The following CSMD2 variants were observed in gnomAD, a reference collection of about 807,000 sequenced individuals.
CSMD2 encodes CUB and sushi domain-containing protein 2.
CSMD2 carries 130 observed loss-of-function variants against 398.5 expected under a neutral mutation model. The observed-to-expected ratio is 0.33, with a 90% CI of 0.28 to 0.38. The LOEUF (loss-of-function observed/expected upper bound fraction) is 0.38. Among genes scored for constraint, CSMD2 ranks in the 10% least tolerant of loss-of-function variants. The pLI is 1.00. For synonymous variants in CSMD2, 1,828 were observed against 1,908.5 expected, an observed-to-expected ratio of 0.96 and a Z score of 1.10; for missense variants, 3,829 against 4,764.9, an observed-to-expected ratio of 0.80 and a Z score of 5.78.
intron 25 of CSMD2, among the ~76,000 whole-genome samples, chr1:33,678,586 A>G (rs887420421): frequency 6.6e-6 from 1 of 152,184 alleles, no homozygotes; most frequent in Non-Finnish European, 1.5e-5. Flanking sequence ...CTGTCCCCAC[A>G]TGAGAATGCA....
rs867239715 is a variant in CSMD2 at position 33,636,428 on chromosome 1, G to A, written c.4901C>T (p.Ser1634Leu). 2 of 1,614,006 alleles carry A rather than the reference G, an allele frequency of 1.2e-6. No individual in the cohort carries two copies. The highest frequency in any genetic ancestry group is 1.6e-4 in the Middle Eastern group (1 of 6,084). Reference protein sequence around the residue: ...CHGGYEVEGTSTLSCILGPDG... With the variant: ...CHGGYEVEGTLTLSCILGPDG... ...AGGCCCCAGGATGCAGCTCAGGGTC[G>A]AGGTGCCCTCAACTTCGTAGCCCCC... Residue 1634 changes from serine to leucine, a missense_variant, in exon 30 of 71, where the codon TCG becomes TTG. Physicochemically the swap from Ser to Leu is moderately radical, Grantham distance 145. Coordinates refer to ENST00000373381, the MANE Select transcript of CSMD2 (RefSeq NM_001281956.2). This position sits in a 1 kb window ranked among gnomAD's most constrained non-coding sequence, Gnocchi z 4.8.
At chr1:33,810,481 T>G (rs2124960219) in intron 10 of CSMD2, among the ~76,000 whole-genome samples, 1 of 152,238 alleles carries the variant, frequency 6.6e-6, no homozygotes, top group African/African-American at 2.4e-5. Context: ...GTGAGGAACC[T>G]GCATCACTAA....
At chr1:33,765,011 C>T (rs759111573) in intron 13 of CSMD2, among the ~76,000 whole-genome samples, 1 of 151,960 alleles carries the variant, frequency 6.6e-6, no homozygotes, top group Non-Finnish European at 1.5e-5. Context: ...GCAATGTATG[C>T]GAAGCAATGC....
chr1:33,762,854 G>GT (rs1173973247), intron 13 of CSMD2, among the ~76,000 whole-genome samples: 1 of 152,166 alleles, frequency 6.6e-6, no homozygotes, highest in Non-Finnish European at 1.5e-5. Context: ...CCGGTGCTGA[G>GT]TGTAATGGCC....
intron 28 of CSMD2, among the ~76,000 whole-genome samples, chr1:33,648,827 CCTT>C: frequency 6.6e-6 from 1 of 152,122 alleles, no homozygotes; most frequent in East Asian, 1.9e-4. Flanking sequence ...TGATTTGGCT[CCTT>C]CTTATTGCTT....
intron 1 of CSMD2, among the ~76,000 whole-genome samples, chr1:34,137,443 C>T (rs779050405): frequency 1.3e-5 from 2 of 152,208 alleles, no homozygotes; most frequent in African/African-American, 2.4e-5. Flanking sequence ...CCCCGCTGGT[C>T]TCTGACCAGC....
At chr1:33,992,825 C>T (rs892058672) in intron 3 of CSMD2, among the ~76,000 whole-genome samples, 8 of 146,916 alleles carry the variant, frequency 5.4e-5, no homozygotes, top group South Asian at 4.4e-4. Context: ...TGCAGTGAGC[C>T]GTGATCGTGC....
rs529499533 is a variant in CSMD2, at chr1:33,832,310, G to A, written c.1034-6536C>T. Reference sequence around the variant, plus strand: ...AAAAGAACAGAAATTATAACAAACTGTCTCTCAGAACACAGTGCAATCAAA... The same window carrying A: ...AAAAGAACAGAAATTATAACAAACTATCTCTCAGAACACAGTGCAATCAAA... On this transcript the variant is annotated intron_variant, in intron 6 of 70. Transcript: ENST00000373381. 1.9e-3 allele frequency among the ~76,000 whole-genome samples: 283 copies of A among 152,000 alleles called. 1 individual carries two copies. The highest frequency in any genetic ancestry group is 6.1e-3 in the African/African-American group (254 of 41,366).
chr1:33,644,223 G>A (rs1643286529), intron 29 of CSMD2, among the ~76,000 whole-genome samples: 1 of 152,164 alleles, frequency 6.6e-6, no homozygotes, highest in African/African-American at 2.4e-5. Context: ...ACTTCACTGG[G>A]AAAGAGGTTT....
intron 1 of CSMD2, among the ~76,000 whole-genome samples, chr1:34,109,998 G>A (rs1416445992): frequency 1.6e-5 from 2 of 122,528 alleles, no homozygotes; most frequent in Non-Finnish European, 3.2e-5. Context: ...CCGAGATGGC[G>A]CCACTGCACT....
intron 5 of CSMD2, among the ~76,000 whole-genome samples, chr1:33,916,542 G>A (rs776159810): frequency 6.6e-6 from 1 of 152,128 alleles, no homozygotes. Flanking sequence ...ATCCTCCACA[G>A]AGCAGGTTGT....
chr1:33,534,088 C>T (rs930344299), intron 62 of CSMD2, among the ~76,000 whole-genome samples, 181 bp from the exon 63 acceptor site: 9 of 152,184 alleles, frequency 5.9e-5, no homozygotes, highest in Non-Finnish European at 1.2e-4. Context: ...GATGCCTCCT[C>T]CACAAGGCCT....
chr1:33,702,084 G>C (rs984064056), intron 22 of CSMD2, among the ~76,000 whole-genome samples: 1 of 152,154 alleles, frequency 6.6e-6, no homozygotes, highest in African/African-American at 2.4e-5. Context: ...GATACCCTGT[G>C]AGTGCATTCA....
intron 65 of CSMD2, among the ~76,000 whole-genome samples, 178 bp from the exon 66 acceptor site, chr1:33,525,221 G>T (rs1203149944): frequency 6.6e-6 from 1 of 152,160 alleles, no homozygotes; most frequent in African/African-American, 2.4e-5. Flanking sequence ...AGAGTGGATG[G>T]ATAGAGGGAA....
At chr1:33,536,451 C>T (rs1168034822) in intron 62 of CSMD2, among the ~76,000 whole-genome samples, 1 of 152,250 alleles carries the variant, frequency 6.6e-6, no homozygotes, top group Non-Finnish European at 1.5e-5. Flanking sequence ...CCTCGATCTC[C>T]TGACCTCATG....
chr1:33,616,162 C>T (rs1641369933), intron 39 of CSMD2, among the ~76,000 whole-genome samples: 1 of 152,204 alleles, frequency 6.6e-6, no homozygotes, highest in East Asian at 1.9e-4. Context: ...CTCATCACTG[C>T]CGTAGCACAG....
chr1:33,611,263 C>T lies in CSMD2; in HGVS notation c.6134-13G>A, dbSNP rs749071058. The T allele has an allele frequency of 6.2e-7, 1 of 1,608,752 alleles. No homozygotes were observed. Among genetic ancestry groups the T allele is most frequent in the Non-Finnish European group, 8.5e-7 (1 of 1,175,926 alleles). On this transcript the variant is annotated splice_polypyrimidine_tract_variant and intron_variant, in intron 40 of 70. Coordinates refer to ENST00000373381, the MANE Select transcript of CSMD2 (RefSeq NM_001281956.2). ...TGGATGTGAGCTCCTGGGAGCAAGACAGAGGCAGACAGTGCCCAAAGCAAC... is the reference window on the plus strand; with the variant it reads ...TGGATGTGAGCTCCTGGGAGCAAGATAGAGGCAGACAGTGCCCAAAGCAAC...
chr1:33,729,030 A>G (rs1314930672), intron 15 of CSMD2, among the ~76,000 whole-genome samples: 3 of 152,182 alleles, frequency 2.0e-5, no homozygotes, highest in Non-Finnish European at 4.4e-5. Flanking sequence ...GCCTATTGCT[A>G]CATCCCATTG....
Position 33,974,688 on chromosome 1 carries a change from G to C in CSMD2, c.518-38734C>G, listed in dbSNP as rs547965214. Among the ~76,000 whole-genome samples, 4 of 152,240 alleles carry C rather than the reference G, an allele frequency of 2.6e-5. No individual in the cohort carries two copies. The East Asian group carries it at 7.7e-4, about 29-fold the overall frequency. On this transcript the variant is annotated intron_variant, in intron 3 of 70. Coordinates refer to ENST00000373381, the MANE Select transcript of CSMD2 (RefSeq NM_001281956.2). ...AGTTACTCATCTCAGCACAGGGCTC[G>C]ACACAAAGCACACTGCAGGAGAATA...
Sources: allele counts gnomAD v4.1 joint callset (sites outside exome capture counted in the v4.1 genomes callset), GRCh38; gene constraint gnomAD v4.1.1; non-coding constraint Gnocchi (gnomAD v3.1); transcripts MANE v1.5; gene names NCBI Gene and HGNC (gene_info 2026-07-23, HGNC 2026-07-21).